Variants in CACNA1C observed in about 807,000 individuals in gnomAD.
CACNA1C encodes the protein voltage-dependent L-type calcium channel subunit alpha-1C.
CACNA1C carries 30 observed loss-of-function variants against 229.0 expected under a neutral mutation model. The observed-to-expected ratio is 0.13, with a 90% CI of 0.10 to 0.18. CACNA1C has a LOEUF of 0.18. CACNA1C is among the 10% of genes least tolerant of loss of function. CACNA1C has a pLI of 1.00. For synonymous variants in CACNA1C, 1,114 were observed against 1,132.5 expected (o/e 0.98, Z 0.33); for missense variants, 1,658 against 2,845.0 (o/e 0.58, Z 9.49).
rs891749399 is a variant in CACNA1C, at chr12:2,575,896, G to A, written c.1896-5694G>A. On this transcript the variant is annotated intron_variant, in intron 13 of 46. Coordinates refer to ENST00000399655, the MANE Select transcript of CACNA1C (RefSeq NM_000719.7). This position sits in a 1 kb window ranked among gnomAD's most constrained non-coding sequence, Gnocchi z 4.0. ...GAAAGTTCCAGTTCAAGGAAGGCTC[G>A]GGTCACTTTATATTATAGAAGAGGA... 2.0e-5 allele frequency among the ~76,000 whole-genome samples: 3 copies of A among 152,126 alleles called. No individual in the cohort carries two copies. The highest frequency in any genetic ancestry group is 4.4e-5 in the Non-Finnish European group (3 of 68,016).
At chr12:2,385,338 C>G (rs548138442) in intron 3 of CACNA1C, among the ~76,000 whole-genome samples, 82 of 151,980 alleles carry the variant, frequency 5.4e-4, no homozygotes, top group African/African-American at 1.9e-3. Flanking sequence ...GCCTCCCTCT[C>G]CCGGCAACGG....
chr12:2,095,804 A>G (rs550944373), intron 1 of CACNA1C, among the ~76,000 whole-genome samples: 1 of 152,186 alleles, frequency 6.6e-6, no homozygotes, highest in African/African-American at 2.4e-5. Flanking sequence ...TGCCAGAGAA[A>G]CTGGAAGGTT....
intron 18 of CACNA1C, among the ~76,000 whole-genome samples, chr12:2,588,011 G>A (rs1470916478): frequency 2.0e-5 from 3 of 152,132 alleles, no homozygotes; most frequent in Non-Finnish European, 4.4e-5. Context: ...ACATCACTCT[G>A]CCCCCAAAGG....
chr12:2,301,432 G>A (rs1018455736), intron 3 of CACNA1C, among the ~76,000 whole-genome samples: 4 of 152,192 alleles, frequency 2.6e-5, no homozygotes, highest in Non-Finnish European at 5.9e-5. Flanking sequence ...CGCACAGAAG[G>A]TACCTGATCC....
chr12:2,496,204 G>T (rs1053688843), intron 7 of CACNA1C, among the ~76,000 whole-genome samples: 1 of 152,182 alleles, frequency 6.6e-6, no homozygotes. Context: ...GTTTGAAAAC[G>T]CTGGAAATCT....
At chr12:2,386,236 C>A (rs1380874758) in intron 3 of CACNA1C, among the ~76,000 whole-genome samples, 4 of 152,112 alleles carry the variant, frequency 2.6e-5, no homozygotes, top group Non-Finnish European at 4.4e-5. Flanking sequence ...GCCCCTGCCC[C>A]CCAACAAGTC....
At chr12:2,565,359 C>G (rs962658686) in intron 11 of CACNA1C, among the ~76,000 whole-genome samples, 27 of 151,078 alleles carry the variant, frequency 1.8e-4, no homozygotes, top group Admixed American at 1.5e-3. Context: ...CCCAGCTACT[C>G]GGGAGGCTGA....
At chr12:2,571,056 T>C (rs1365640646) in intron 13 of CACNA1C, among the ~76,000 whole-genome samples, 1 of 152,234 alleles carries the variant, frequency 6.6e-6, no homozygotes, top group African/African-American at 2.4e-5. Flanking sequence ...AGCAGAGGCC[T>C]ACGAATGTTA....
intron 9 of CACNA1C, among the ~76,000 whole-genome samples, chr12:2,519,688 T>C (rs1227786568): frequency 6.6e-6 from 1 of 152,188 alleles, no homozygotes; most frequent in African/African-American, 2.4e-5. Context: ...GGCTGTGTAC[T>C]GGGGCTCTGC....
At chr12:2,463,512 T>C (rs140866817) in intron 5 of CACNA1C, among the ~76,000 whole-genome samples, 51 of 152,300 alleles carry the variant, frequency 3.3e-4, no homozygotes, top group Non-Finnish European at 1.0e-4. Context: ...TTAGGTAAGA[T>C]GTGCAATGTG....
intron 1 of CACNA1C, among the ~76,000 whole-genome samples, chr12:2,106,008 C>T (rs1342405642): frequency 2.1e-5 from 1 of 46,812 alleles, no homozygotes. Context: ...GCGCCCACCC[C>T]GGGGAGGGTT....
chr12:2,217,469 G>T (rs1599467894), intron 3 of CACNA1C: 1 of 152,138 alleles, frequency 6.6e-6, no homozygotes, highest in East Asian at 1.9e-4. Flanking sequence ...AGATTAATAA[G>T]AATCATCTAT....
intron 3 of CACNA1C, among the ~76,000 whole-genome samples, chr12:2,196,456 C>G (rs2097406086): frequency 6.6e-6 from 1 of 152,210 alleles, no homozygotes; most frequent in Admixed American, 6.5e-5. Context: ...ATAGATGATT[C>G]CCAACTTTTG....
At chr12:2,670,940 C>T (rs2096538805) in intron 38 of CACNA1C, among the ~76,000 whole-genome samples, 1 of 149,922 alleles carries the variant, frequency 6.7e-6, no homozygotes, top group South Asian at 2.1e-4. Context: ...AAAAATATAC[C>T]ATCAGTAGCC....
intron 3 of CACNA1C, among the ~76,000 whole-genome samples, chr12:2,232,227 G>GTTTTTTTTTTT (rs1169407536): frequency 2.4e-3 from 177 of 73,526 alleles, no homozygotes; most frequent in Non-Finnish European, 2.8e-3. Context: ...GTCTTTCCTT[G>GTTTTTTTTTTT]TTTTTTTTTT....
chr12:2,107,565 C>G (rs1565733616), intron 1 of CACNA1C, among the ~76,000 whole-genome samples: 1 of 152,266 alleles, frequency 6.6e-6, no homozygotes, highest in African/African-American at 2.4e-5. Context: ...GAGGATTTCT[C>G]TCGCTTAGGC....
chr12:2,175,086 C>T (rs998536009), intron 3 of CACNA1C, among the ~76,000 whole-genome samples: 16 of 152,132 alleles, frequency 1.1e-4, no homozygotes, highest in African/African-American at 3.9e-4. Flanking sequence ...CTTTGGCATG[C>T]ATCTCTAACA....
At chr12:2,266,837 G>A (rs748932646) in intron 3 of CACNA1C, among the ~76,000 whole-genome samples, 4 of 152,158 alleles carry the variant, frequency 2.6e-5, no homozygotes, top group South Asian at 2.1e-4. Flanking sequence ...GAATTCCAGT[G>A]TTTCTCTTCA....
At chr12:2,205,970 C>T (rs760035776) in intron 3 of CACNA1C, among the ~76,000 whole-genome samples, 7 of 152,164 alleles carry the variant, frequency 4.6e-5, no homozygotes, top group East Asian at 1.9e-4. Context: ...TAATTGCCTA[C>T]GAAAGCCCCT....
Sources: gnomAD v4.1 joint callset for allele counts (sites outside exome capture counted in the v4.1 genomes callset) on GRCh38, gnomAD v4.1.1 for gene constraint, Gnocchi (gnomAD v3.1) non-coding constraint, MANE v1.5 for transcripts, NCBI Gene and HGNC (gene_info 2026-07-23, HGNC 2026-07-21) for gene names.